The following VAT1L variants were observed in gnomAD, a reference collection of about 807,000 sequenced individuals.
VAT1L encodes putative NADPH-dependent quinone oxidoreductase VAT1L.
Under a neutral mutation model 44.1 loss-of-function variants are expected in VAT1L, and 34 were observed. The ratio of observed to expected loss-of-function variants is 0.77; its 90% CI spans 0.59 to 1.03. The LOEUF is 1.03. Ranked by LOEUF, VAT1L falls within the 50% of genes least tolerant of loss-of-function variation. VAT1L has a pLI of 0.00. For synonymous variants in VAT1L, 253 were observed against 202.2 expected (o/e 1.25, Z -2.13); for missense variants, 615 against 538.8 (o/e 1.14, Z -1.40).
Position 77,825,272 on chromosome 16 carries a change from C to G in VAT1L, c.390C>G (p.Val130=). 1 of 1,614,146 alleles carries G rather than the reference C, an allele frequency of 6.2e-7. No individual in the cohort carries two copies. The highest frequency in any genetic ancestry group is 8.5e-7 in the Non-Finnish European group (1 of 1,180,042). Residue 130 remains valine, a synonymous_variant, in exon 3 of 9, where the codon GTC becomes GTG. Coordinates refer to ENST00000302536, the MANE Select transcript of VAT1L (RefSeq NM_020927.3). ...TTGGAGACCGTGTCATGGCATTTGT[C>G]AATTACAATGCCTGGGCAGAGGTGG... ...YEIGDRVMAF[V]NYNAWAEVVC...
intron 4 of VAT1L, among the ~76,000 whole-genome samples, chr16:77,872,717 G>C (rs921140143): frequency 1.3e-5 from 2 of 152,112 alleles, no homozygotes; most frequent in South Asian, 2.1e-4. Context: ...TCCAATGCTC[G>C]TAAGTTGCTC....
intron 2 of VAT1L, among the ~76,000 whole-genome samples, chr16:77,818,087 T>C (rs1300417827): frequency 6.6e-6 from 1 of 152,172 alleles, no homozygotes; most frequent in Non-Finnish European, 1.5e-5. Flanking sequence ...AGAGCTTGTT[T>C]ATCCTTCCTA....
At chr16:77,949,642 T>C (rs1209950615) in intron 7 of VAT1L, among the ~76,000 whole-genome samples, 2 of 152,190 alleles carry the variant, frequency 1.3e-5, no homozygotes, top group African/African-American at 4.8e-5. Context: ...TCTGTCTTGC[T>C]TCCTCTCTCA....
intron 1 of VAT1L, chr16:77,800,252 G>A (rs1350269974): frequency 6.6e-6 from 1 of 152,188 alleles, no homozygotes; most frequent in Admixed American, 6.5e-5. Context: ...ACGATGCTCT[G>A]TAATTTTCTC....
intron 7 of VAT1L, among the ~76,000 whole-genome samples, chr16:77,907,198 T>C (rs2017446884): frequency 6.6e-6 from 1 of 152,074 alleles, no homozygotes; most frequent in Non-Finnish European, 1.5e-5. Context: ...AATACAGAAG[T>C]GGGAAGAGAT....
In VAT1L at chr16:77,817,030, GA is replaced by G. The variant is rs2016367945; in HGVS notation, c.344del (p.Asp115AlafsTer3). 10 of 1,613,964 alleles carry G rather than the reference GA, an allele frequency of 6.2e-6. No individual in the cohort carries two copies. The highest frequency in any genetic ancestry group is 8.5e-6 in the Non-Finnish European group (10 of 1,179,920). On this transcript the variant is annotated frameshift_variant, in exon 2 of 9. Coordinates refer to ENST00000302536, the MANE Select transcript of VAT1L (RefSeq NM_020927.3). LOFTEE classifies it high-confidence loss of function. ...ECSGIVEALGDSVKGYEIGDR... is the reference protein window; with the variant it reads ...ECSGIVEALGXSVKGYEIGDR... ...TTCTGGGATTGTTGAAGCTCTGGGG[GA>G]CAGCGTGAAAGGATATGAGGTAATG...
chr16:77,821,180 C>G (rs369227416), intron 2 of VAT1L, among the ~76,000 whole-genome samples: 2 of 152,154 alleles, frequency 1.3e-5, no homozygotes, highest in Non-Finnish European at 2.9e-5. Context: ...CCTCTGCCCT[C>G]TAAGATCTCC....
chr16:77,946,555 T>C (rs1224718575), intron 7 of VAT1L, among the ~76,000 whole-genome samples: 4 of 152,182 alleles, frequency 2.6e-5, no homozygotes, highest in African/African-American at 9.6e-5. Context: ...GTGCTGGGAT[T>C]ACAGGCGTGA....
At chr16:77,955,468 T>C (rs2018092280) in intron 7 of VAT1L, among the ~76,000 whole-genome samples, 1 of 152,186 alleles carries the variant, frequency 6.6e-6, no homozygotes, top group Non-Finnish European at 1.5e-5. Context: ...CTCACACCTG[T>C]AATCCCAGCA....
At chr16:77,846,357 C>G (rs2016758129) in intron 3 of VAT1L, among the ~76,000 whole-genome samples, 1 of 152,150 alleles carries the variant, frequency 6.6e-6, no homozygotes, top group Admixed American at 6.5e-5. Context: ...GAAATTCTTG[C>G]TTTGCTGCCC....
chr16:77,932,717 C>A (rs1175052489), intron 7 of VAT1L, among the ~76,000 whole-genome samples: 1 of 152,168 alleles, frequency 6.6e-6, no homozygotes, highest in African/African-American at 2.4e-5. Flanking sequence ...ATTCAGCAAT[C>A]CCTGAGATCC....
chr16:77,910,098 C>T (rs1025442791), intron 7 of VAT1L, among the ~76,000 whole-genome samples: 1 of 152,240 alleles, frequency 6.6e-6, no homozygotes, highest in African/African-American at 2.4e-5. Flanking sequence ...TATTTGCAAA[C>T]ATATGAATTA....
At chr16:77,926,911 A>AATTTC (rs1429704736) in intron 7 of VAT1L, among the ~76,000 whole-genome samples, 1 of 152,108 alleles carries the variant, frequency 6.6e-6, no homozygotes, top group Non-Finnish European at 1.5e-5. Context: ...GCTACCCCTG[A>AATTTC]AGTTAGAAAT....
chr16:77,942,164 G>A (rs1398676136), intron 7 of VAT1L, among the ~76,000 whole-genome samples: 1 of 152,188 alleles, frequency 6.6e-6, no homozygotes, highest in African/African-American at 2.4e-5. Flanking sequence ...AGTTCCATGT[G>A]GCTGGGGAGG....
At chr16:77,961,897 T>C (rs1298126086) in intron 7 of VAT1L, among the ~76,000 whole-genome samples, 1 of 152,198 alleles carries the variant, frequency 6.6e-6, no homozygotes, top group East Asian at 1.9e-4. Flanking sequence ...GGGAATGCTA[T>C]ACAGATGTGA....
At chr16:77,941,799 G>A (rs550177989) in intron 7 of VAT1L, among the ~76,000 whole-genome samples, 3 of 152,126 alleles carry the variant, frequency 2.0e-5, no homozygotes, top group East Asian at 3.9e-4. Context: ...GTGTTGGCCA[G>A]GCTGGTCTCA....
intron 3 of VAT1L, among the ~76,000 whole-genome samples, chr16:77,847,409 A>T (rs2016768700): frequency 6.6e-6 from 1 of 152,174 alleles, no homozygotes; most frequent in Non-Finnish European, 1.5e-5. Context: ...GGTCCTGGAA[A>T]CGTATTGCCC....
At chr16:77,888,293 C>T (rs1033854386) in intron 7 of VAT1L, among the ~76,000 whole-genome samples, 4 of 152,150 alleles carry the variant, frequency 2.6e-5, no homozygotes, top group Non-Finnish European at 4.4e-5. Context: ...TGCCTCCCTT[C>T]CACTAGAATT....
At chr16:77,930,133 C>G (rs1415333296) in intron 7 of VAT1L, among the ~76,000 whole-genome samples, 3 of 152,224 alleles carry the variant, frequency 2.0e-5, no homozygotes, top group Non-Finnish European at 4.4e-5. Context: ...ACCCACACCC[C>G]TCTTTCCAGC....
Sources: allele counts gnomAD v4.1 joint callset (sites outside exome capture counted in the v4.1 genomes callset), GRCh38; gene constraint gnomAD v4.1.1; transcripts MANE v1.5; gene names NCBI Gene and HGNC (gene_info 2026-07-23, HGNC 2026-07-21).